The following ANO4 variants were observed in gnomAD, a reference collection of about 807,000 sequenced individuals.
ANO4 encodes anoctamin-4.
In ANO4, 69 loss-of-function variants were observed where a neutral mutation model predicts 141.9. That is an observed-to-expected ratio of 0.49 (90% CI 0.40 to 0.59). The LOEUF (loss-of-function observed/expected upper bound fraction) is 0.59, where lower values mean the gene tolerates loss of function less well. Among genes scored for constraint, ANO4 ranks in the 20% least tolerant of loss-of-function variants. The pLI is 0.00. For synonymous variants in ANO4, 350 were observed against 394.3 expected (o/e 0.89, Z 1.33); for missense variants, 894 against 1,162.2 (o/e 0.77, Z 3.36).
chr12:101,072,381 A>G (rs2048850295), intron 14 of ANO4, among the ~76,000 whole-genome samples: 1 of 152,192 alleles, frequency 6.6e-6, no homozygotes, highest in Non-Finnish European at 1.5e-5. Context: ...TAATCAAACT[A>G]TGCCTAGGAG....
At chr12:101,117,620 G>A (rs545996349) in intron 25 of ANO4, among the ~76,000 whole-genome samples, 1 of 152,306 alleles carries the variant, frequency 6.6e-6, no homozygotes, top group South Asian at 2.1e-4. Context: ...CAAGTTGGGA[G>A]GATCACTTAA....
chr12:100,884,298 T>C (rs1046047435), intron 1 of ANO4, among the ~76,000 whole-genome samples: 31 of 152,200 alleles, frequency 2.0e-4, no homozygotes, highest in Non-Finnish European at 3.8e-4. Flanking sequence ...GAATTAACAT[T>C]TGTCTTATGG....
intron 3 of ANO4, among the ~76,000 whole-genome samples, chr12:100,933,608 G>T (rs776212551): frequency 9.2e-5 from 14 of 152,192 alleles, no homozygotes; most frequent in African/African-American, 1.2e-4. Flanking sequence ...ATAGTAGCAT[G>T]ATTTATAATC....
At chr12:100,740,003 A>G (rs1220111920) in exon 3 of ANO4, 2 of 702,546 alleles carry the variant, frequency 2.8e-6, no homozygotes, top group South Asian at 3.0e-5. Flanking sequence ...CACCCGCAAG[A>G]CTGACCAGGC....
Position 100,769,001 on chromosome 12 carries a change from C to A in ANO4, c.358+28896C>A, listed in dbSNP as rs17479380. On this transcript the variant is annotated intron_variant, in intron 3 of 29. Transcript: ENST00000644049. ...TAGCATCTAACATGTGAAAAACCAT[C>A]TGTTCAGGTAGCTATTTACAATGTG... Among the ~76,000 whole-genome samples the A allele has an allele frequency of 7.7e-3, 1,166 of 152,300 alleles. 6 individuals are homozygous for A. Among genetic ancestry groups the A allele is most frequent in the Non-Finnish European group, 0.012 (826 of 68,020 alleles).
chr12:100,751,200 G>A (rs1291452715), intron 3 of ANO4, among the ~76,000 whole-genome samples: 1 of 152,158 alleles, frequency 6.6e-6, no homozygotes, highest in Non-Finnish European at 1.5e-5. Flanking sequence ...CAGCAGCTGG[G>A]GGTGTACCAT....
chr12:100,788,241 T>C (rs1374987379), intron 3 of ANO4, among the ~76,000 whole-genome samples: 2 of 152,196 alleles, frequency 1.3e-5, no homozygotes, highest in Non-Finnish European at 2.9e-5. Flanking sequence ...AATTCAGGGA[T>C]CAAGTCTTCC....
In ANO4 at chr12:101,014,567, C is replaced by T. The variant is rs769083473; in HGVS notation, c.735-5467C>T. Among the ~76,000 whole-genome samples the T allele has an allele frequency of 2.4e-3, 363 of 152,146 alleles. 6 individuals are homozygous for T. Among genetic ancestry groups the T allele is most frequent in the Non-Finnish European group, 1.1e-3 (72 of 68,036 alleles). On this transcript the variant is annotated intron_variant, in intron 8 of 27. Transcript: ENST00000392977. ...AGGCAGACCTGGGCCCCTCACAGTTCCCTTCACAAACGCAGGAGAAAATTT... is the reference window on the plus strand; with the variant it reads ...AGGCAGACCTGGGCCCCTCACAGTTTCCTTCACAAACGCAGGAGAAAATTT...
chr12:100,778,517 C>T (rs1303692855), intron 3 of ANO4, among the ~76,000 whole-genome samples: 1 of 152,188 alleles, frequency 6.6e-6, no homozygotes, highest in Non-Finnish European at 1.5e-5. Flanking sequence ...AAAGACACCT[C>T]CCATAAGCCT....
At chr12:100,950,978 GTTC>G (rs1316506320) in intron 5 of ANO4, among the ~76,000 whole-genome samples, 1 of 152,162 alleles carries the variant, frequency 6.6e-6, no homozygotes, top group African/African-American at 2.4e-5. Context: ...TTGTCAAGTT[GTTC>G]TTCTAATTTT....
At chr12:101,057,967 GT>G (rs2048192288) in intron 14 of ANO4, among the ~76,000 whole-genome samples, 1 of 152,100 alleles carries the variant, frequency 6.6e-6, no homozygotes, top group South Asian at 2.1e-4. Context: ...TATTGCCTAG[GT>G]TTTCCTCTAG....
intron 17 of ANO4, among the ~76,000 whole-genome samples, chr12:101,091,476 A>C (rs1373275715): frequency 4.6e-5 from 7 of 152,180 alleles, no homozygotes. Context: ...AACATCTTAA[A>C]AAAATTTTAA....
At chr12:101,027,214 G>A (rs7979318) in intron 9 of ANO4, among the ~76,000 whole-genome samples, 35,212 of 152,054 alleles carry the variant, frequency 0.23, 4,333 homozygotes, top group Non-Finnish European at 0.28. Context: ...TTTTCCATGG[G>A]ACTGTGCAAC....
At position 100,881,944 on chromosome 12, in the gene ANO4, C is replaced by T. The variant is rs534574275; in HGVS notation, c.-140-19702C>T. On this transcript the variant is annotated intron_variant, in intron 1 of 27. Transcript: ENST00000392977. ...TCACTTAAGAATTCAATGCATGGAA[C>T]CAGTTACTTAACCACCCTGTGCCTA... Among the ~76,000 whole-genome samples, 14 of 152,248 alleles carry T rather than the reference C, an allele frequency of 9.2e-5. No homozygotes were observed. In the South Asian group the frequency reaches 1.9e-3, roughly 20 times the overall value.
intron 1 of ANO4, among the ~76,000 whole-genome samples, chr12:100,823,057 G>C (rs61944827): frequency 0.011 from 1,674 of 152,008 alleles, 15 homozygotes; most frequent in Middle Eastern, 0.054. Context: ...AAAAAAATCA[G>C]ATATTTACAG....
At chr12:100,818,875 T>C (rs192752210) in intron 1 of ANO4, among the ~76,000 whole-genome samples, 5 of 151,982 alleles carry the variant, frequency 3.3e-5, no homozygotes, top group Admixed American at 3.3e-4. Flanking sequence ...ACAGGACAGG[T>C]CCTAACAAGA....
chr12:101,075,320 G>C (rs915352505), intron 14 of ANO4, among the ~76,000 whole-genome samples: 38 of 152,180 alleles, frequency 2.5e-4, no homozygotes, highest in African/African-American at 8.9e-4. Flanking sequence ...TGCATCGTGA[G>C]CTGCTAACAG....
chr12:100,805,921 C>T (rs1288712800), intron 1 of ANO4, among the ~76,000 whole-genome samples: 3 of 152,080 alleles, frequency 2.0e-5, no homozygotes, highest in Admixed American at 2.0e-4. Flanking sequence ...ACCCACTAGT[C>T]ACAGTAAGTG....
intron 1 of ANO4, among the ~76,000 whole-genome samples, chr12:100,863,179 G>C (rs2038573178): frequency 1.3e-5 from 2 of 152,114 alleles, no homozygotes; most frequent in South Asian, 4.2e-4. Flanking sequence ...AGAGCAGGAT[G>C]GGCTGAAGTG....
Sources: allele counts gnomAD v4.1 joint callset (sites outside exome capture counted in the v4.1 genomes callset), GRCh38; gene constraint gnomAD v4.1.1; transcripts MANE v1.5; gene names NCBI Gene and HGNC (gene_info 2026-07-23, HGNC 2026-07-21).